The following FIG4 variants were observed in gnomAD, a reference collection of about 807,000 sequenced individuals.
FIG4 encodes FIG4 phosphoinositide 5-phosphatase, also known as polyphosphoinositide phosphatase.
In FIG4, 112 loss-of-function variants were observed where a neutral mutation model predicts 118.6. The observed-to-expected ratio is 0.94, with a 90% CI of 0.81 to 1.11. The LOEUF is 1.11. FIG4 is among the 50% of genes least tolerant of loss of function. The probability of loss-of-function intolerance (pLI) is 0.00; values close to 1 mark genes in which losing one functional copy is unlikely to be tolerated. For synonymous variants in FIG4, 369 were observed against 381.2 expected (o/e 0.97, Z 0.37); for missense variants, 969 against 1,111.7 (o/e 0.87, Z 1.83).
chr6:109,705,730 A>G (rs1365754425), intron 1 of FIG4, among the ~76,000 whole-genome samples: 1 of 152,234 alleles, frequency 6.6e-6, no homozygotes, highest in Non-Finnish European at 1.5e-5. Context: ...TCCCATTGCA[A>G]TTAATCTTTA....
At chr6:109,792,776 G>C in intron 21 of FIG4, 112 bp downstream of exon 21, 2 of 625,392 alleles carry the variant, frequency 3.2e-6, no homozygotes, top group Non-Finnish European at 5.3e-6. Context: ...GTCTTGCTCT[G>C]TTGCCCAGGC....
At chr6:109,748,280 T>C (rs1776569068) in intron 10 of FIG4, among the ~76,000 whole-genome samples, 1 of 152,120 alleles carries the variant, frequency 6.6e-6, no homozygotes, top group Non-Finnish European at 1.5e-5. Flanking sequence ...ATTGGGTTTA[T>C]TTAGTTTTGC....
intron 3 of FIG4, among the ~76,000 whole-genome samples, chr6:109,726,195 A>G (rs1043879167): frequency 7.2e-5 from 11 of 152,196 alleles, no homozygotes; most frequent in African/African-American, 2.4e-4. Context: ...CTTGAATAGT[A>G]TTGCCTACGT....
intron 1 of FIG4, among the ~76,000 whole-genome samples, chr6:109,698,755 A>G (rs1351095631): frequency 6.6e-6 from 1 of 151,958 alleles, no homozygotes; most frequent in East Asian, 1.9e-4. Context: ...TGCACATGAC[A>G]TTTTCTTTAT....
chr6:109,735,225 A>G lies in FIG4; in HGVS notation c.573A>G (p.Ser191=). The G allele has an allele frequency of 6.2e-7, 1 of 1,613,462 alleles. No individual in the cohort carries two copies. The highest frequency in any genetic ancestry group is 1.1e-5 in the South Asian group (1 of 91,076). The change falls in exon 6 of 23, where the codon TCA becomes TCG. Residue 191 remains serine, a synonymous_variant. Coordinates refer to ENST00000230124, the MANE Select transcript of FIG4 (RefSeq NM_014845.6). The part of the protein sequence containing the change: ...VLRMPLEMLK[S]EMTQNRQESF... Reference sequence around the variant, plus strand: ...GAATGCCCCTGGAGATGTTAAAGTCAGAAATGACCCAGAATCGCCAAGAGA... The same window carrying G: ...GAATGCCCCTGGAGATGTTAAAGTCGGAAATGACCCAGAATCGCCAAGAGA...
intron 16 of FIG4, among the ~76,000 whole-genome samples, chr6:109,784,730 G>A (rs984189720): frequency 4.6e-5 from 7 of 152,184 alleles, no homozygotes; most frequent in African/African-American, 1.7e-4. Context: ...ACTCTCAGGT[G>A]TATTCATGGC....
chr6:109,716,969 T>A (rs1402449570), intron 3 of FIG4, among the ~76,000 whole-genome samples: 2 of 151,736 alleles, frequency 1.3e-5, no homozygotes, highest in African/African-American at 4.8e-5. Flanking sequence ...GGTTAGTCTA[T>A]AGTTATAAAA....
At chr6:109,805,139 C>T (rs1778528510) in intron 22 of FIG4, among the ~76,000 whole-genome samples, 1 of 152,166 alleles carries the variant, frequency 6.6e-6, no homozygotes, top group Admixed American at 6.5e-5. Context: ...ATATTCCCAA[C>T]TGACAAACTA....
chr6:109,703,924 T>G (rs772551078), intron 1 of FIG4, among the ~76,000 whole-genome samples: 1 of 152,198 alleles, frequency 6.6e-6, no homozygotes, highest in Non-Finnish European at 1.5e-5. Context: ...CTCTAAATAA[T>G]GGAGTTCCTC....
At chr6:109,790,297 AT>A (rs1409720467) in intron 19 of FIG4, among the ~76,000 whole-genome samples, 1 of 152,166 alleles carries the variant, frequency 6.6e-6, no homozygotes, top group African/African-American at 2.4e-5. Flanking sequence ...TGGAATCTTA[AT>A]TGTATTCTAG....
chr6:109,741,335 C>T (rs1776316366), intron 7 of FIG4, 109 bp from the exon 8 acceptor site: 1 of 806,690 alleles, frequency 1.2e-6, no homozygotes, highest in South Asian at 1.3e-5. Context: ...TTTTGGTGTT[C>T]TTTAAGCCAT....
intron 22 of FIG4, among the ~76,000 whole-genome samples, chr6:109,824,153 G>C (rs1426603429): frequency 6.6e-6 from 1 of 152,208 alleles, no homozygotes. Flanking sequence ...TTTTAAGCCT[G>C]TGGCAGCCCA....
At chr6:109,705,546 T>G (rs1041155780) in intron 1 of FIG4, among the ~76,000 whole-genome samples, 4 of 152,240 alleles carry the variant, frequency 2.6e-5, no homozygotes, top group Admixed American at 2.6e-4. Context: ...ATTTCCAGAT[T>G]CTGTGGGTTT....
At chr6:109,808,350 C>CAAAAA (rs55948419) in intron 22 of FIG4, among the ~76,000 whole-genome samples, 300 of 66,782 alleles carry the variant, frequency 4.5e-3, no homozygotes, top group Middle Eastern at 0.013. Flanking sequence ...ACACTCACAG[C>CAAAAA]AAAAAAAAAA....
chr6:109,706,891 T>C (rs185408265), intron 1 of FIG4, among the ~76,000 whole-genome samples: 82 of 152,216 alleles, frequency 5.4e-4, no homozygotes, highest in African/African-American at 1.9e-3. Flanking sequence ...ACCATTCTTC[T>C]TAGGTGAACG....
intron 1 of FIG4, among the ~76,000 whole-genome samples, chr6:109,707,702 C>T (rs1048506502): frequency 9.9e-5 from 15 of 151,786 alleles, no homozygotes; most frequent in East Asian, 7.7e-4. Context: ...CCTTTAATAT[C>T]GAAAGACTTG....
At chr6:109,739,546 A>G (rs1776261498) in intron 7 of FIG4, among the ~76,000 whole-genome samples, 1 of 152,140 alleles carries the variant, frequency 6.6e-6, no homozygotes, top group Non-Finnish European at 1.5e-5. Context: ...AGAACCAAAA[A>G]AGAAACTTTT....
intron 22 of FIG4, among the ~76,000 whole-genome samples, chr6:109,808,687 G>A (rs1308311846): frequency 6.6e-6 from 1 of 151,986 alleles, no homozygotes; most frequent in Non-Finnish European, 1.5e-5. Flanking sequence ...TTTGGGCTTG[G>A]ATATTTGACA....
In FIG4 at chr6:109,786,419, C is replaced by G; in HGVS notation, c.2066C>G (p.Thr689Ser). The change falls in exon 18 of 23, where the codon ACC becomes AGC. Residue 689 changes from threonine to serine, a missense_variant. By Grantham distance (58) the Thr-to-Ser change is moderately conservative. Coordinates refer to ENST00000230124, the MANE Select transcript of FIG4 (RefSeq NM_014845.6). The stretch of plus-strand genomic sequence containing the variant: ...TATGAGTTGAGCAGCTTTGATGATA[C>G]CTTTTGCTTGGCTATGACAAGCTCA... ...RPYELSSFDD[T>S]FCLAMTSSAR... The G allele has an allele frequency of 1.9e-6, 3 of 1,613,912 alleles. No homozygotes were observed. The highest frequency in any genetic ancestry group is 2.5e-6 in the Non-Finnish European group (3 of 1,179,816).
Sources: gnomAD v4.1 joint callset for allele counts (sites outside exome capture counted in the v4.1 genomes callset) on GRCh38, gnomAD v4.1.1 for gene constraint, MANE v1.5 for transcripts, NCBI Gene and HGNC (gene_info 2026-07-23, HGNC 2026-07-21) for gene names.